USP45: variants seen among roughly 807,000 people sequenced by gnomAD.
USP45 encodes ubiquitin carboxyl-terminal hydrolase 45.
Under a neutral mutation model 95.8 loss-of-function variants are expected in USP45, and 89 were observed. The ratio of observed to expected loss-of-function variants is 0.93; its 90% CI spans 0.78 to 1.11. The LOEUF (loss-of-function observed/expected upper bound fraction) is 1.11, where lower values mean the gene tolerates loss of function less well. Ranked by LOEUF, USP45 falls within the 50% of genes least tolerant of loss-of-function variation. The probability of loss-of-function intolerance (pLI) is 0.00; values close to 1 mark genes in which losing one functional copy is unlikely to be tolerated. For synonymous variants in USP45, 281 were observed against 316.2 expected, an observed-to-expected ratio of 0.89 and a Z score of 1.18; for missense variants, 898 against 942.5, an observed-to-expected ratio of 0.95 and a Z score of 0.62.
At chr6:99,487,569 C>CA (rs1794212373) in intron 7 of USP45, among the ~76,000 whole-genome samples, 1 of 146,262 alleles carries the variant, frequency 6.8e-6, no homozygotes, top group South Asian at 2.1e-4. Context: ...GCGGGTGGAT[C>CA]ACGAGGTCAG....
At chr6:99,455,095 AAAAAAAACAAAAAAC>A (rs1340190957) in intron 13 of USP45, among the ~76,000 whole-genome samples, 1 of 150,764 alleles carries the variant, frequency 6.6e-6, no homozygotes, top group African/African-American at 2.4e-5. Flanking sequence ...ATCTCAAAAA[AAAAAAAACAAAAAAC>A]AAAAAAACAA....
chr6:99,503,698 GA>G, intron 5 of USP45, 66 bp downstream of exon 5: 2 of 1,067,236 alleles, frequency 1.9e-6, no homozygotes, highest in African/African-American at 3.2e-5. Context: ...TATTCTTTAT[GA>G]ATTTATGAAC....
In USP45 at chr6:99,472,219, TAA is replaced by T. The variant is rs1477863539; in HGVS notation, c.934-3603_934-3602del. 1.1e-4 allele frequency among the ~76,000 whole-genome samples: 4 copies of T among 36,680 alleles called. No individual in the cohort carries two copies. In the South Asian group the frequency reaches 5.7e-3, roughly 52 times the overall value. The allele number at this position is 36,680 out of a possible 152,430, so 24.1% of individuals were successfully genotyped here. Reference sequence around the variant, plus strand: ...TCACATGACTTTTAACTTCACTTACTAATTTTTTTTTTTTTTGAGAACGTGTC... The same window carrying T: ...TCACATGACTTTTAACTTCACTTACTTTTTTTTTTTTTTTGAGAACGTGTC... On this transcript the variant is annotated intron_variant, in intron 9 of 17. Transcript: ENST00000500704.
chr6:99,494,815 A>G (rs2128752023), intron 5 of USP45, among the ~76,000 whole-genome samples: 1 of 152,232 alleles, frequency 6.6e-6, no homozygotes, highest in South Asian at 2.1e-4. Context: ...AATCGTTTGA[A>G]CCCGGGAGGC....
At chr6:99,512,061 G>A (rs1800012569) in intron 1 of USP45, among the ~76,000 whole-genome samples, 1 of 151,678 alleles carries the variant, frequency 6.6e-6, no homozygotes, top group Admixed American at 6.6e-5. Context: ...AATTTCCTTA[G>A]TTGACCCTAA....
At chr6:99,509,310 T>C (rs1352938945) in intron 2 of USP45, among the ~76,000 whole-genome samples, 1 of 152,220 alleles carries the variant, frequency 6.6e-6, no homozygotes, top group Non-Finnish European at 1.5e-5. Context: ...CTGATGTTAA[T>C]GTTTTGCACT....
chr6:99,461,481 A>T (rs1786460336), intron 13 of USP45: 1 of 985,276 alleles, frequency 1.0e-6, no homozygotes, highest in Non-Finnish European at 1.2e-6. Flanking sequence ...CAGAAATTGC[A>T]CACACTAGTT....
chr6:99,471,247 T>C (rs1399018691), intron 9 of USP45, among the ~76,000 whole-genome samples: 3 of 152,226 alleles, frequency 2.0e-5, no homozygotes, highest in Admixed American at 6.5e-5. Flanking sequence ...CAATTCCTCA[T>C]TGTTAAGAGT....
chr6:99,498,996 A>C (rs1298151130), intron 5 of USP45, among the ~76,000 whole-genome samples: 5 of 152,288 alleles, frequency 3.3e-5, no homozygotes, highest in Non-Finnish European at 7.3e-5. Context: ...GGATGGTCTC[A>C]AACTCCTGGA....
intron 13 of USP45, among the ~76,000 whole-genome samples, chr6:99,454,802 G>C (rs1784644495): frequency 2.0e-5 from 3 of 152,246 alleles, no homozygotes; most frequent in Non-Finnish European, 4.4e-5. Context: ...AAACAGTATG[G>C]AGATGGCTGG....
In USP45 at chr6:99,454,837, T is replaced by C. The variant is rs1264220233; in HGVS notation, c.1309-8374A>G. On this transcript the variant is annotated intron_variant, in intron 13 of 17. Transcript: ENST00000500704. Reference sequence around the variant, plus strand: ...GGTGCAGTGGCTTATGCCTGTAAGCTCAGCACTTTGGGAGGCCAAGGCAGG... The same window carrying C: ...GGTGCAGTGGCTTATGCCTGTAAGCCCAGCACTTTGGGAGGCCAAGGCAGG... Among the ~76,000 whole-genome samples, 7 of 151,798 alleles carry C rather than the reference T, an allele frequency of 4.6e-5. No homozygotes were observed. In the South Asian group the frequency reaches 8.3e-4, roughly 18 times the overall value.
intron 15 of USP45, 98 bp from the exon 16 acceptor site, chr6:99,439,953 T>C (rs1265099813): frequency 6.0e-6 from 5 of 839,956 alleles, no homozygotes; most frequent in Non-Finnish European, 7.1e-6. Flanking sequence ...ACTTAGTTTT[T>C]TCATAGATAA....
intron 1 of USP45, among the ~76,000 whole-genome samples, chr6:99,513,838 A>C (rs1035829916): frequency 6.6e-6 from 1 of 152,214 alleles, no homozygotes; most frequent in African/African-American, 2.4e-5. Context: ...GGCAAAATTA[A>C]AAGTCCAATT....
intron 4 of USP45, among the ~76,000 whole-genome samples, chr6:99,505,841 C>T (rs1798404221): frequency 6.6e-6 from 1 of 152,150 alleles, no homozygotes; most frequent in South Asian, 2.1e-4. Context: ...ATTTCTAAGA[C>T]TGGGATCCTG....
rs1420969172 is a variant in USP45 at position 99,433,061 on chromosome 6, T to C, written c.*2655A>G. The C allele has an allele frequency of 2.0e-5, 3 of 152,196 alleles. No homozygotes were observed. Among genetic ancestry groups the C allele is most frequent in the African/African-American group, 7.2e-5 (3 of 41,430 alleles). 9.4% of individuals were successfully genotyped at this position (152,196 alleles called of 1,614,324 possible). On this transcript the variant is annotated 3_prime_UTR_variant, in exon 18 of 18. Coordinates refer to ENST00000500704, the MANE Select transcript of USP45 (RefSeq NM_001346022.3). The stretch of plus-strand genomic sequence containing the variant: ...CTGCAGGAATGCAGTGGTGTGATCA[T>C]GGTTCACTGCACCTTGACCTCCTGG...
chr6:99,437,188 GA>G (rs1455113436), intron 17 of USP45, 57 bp downstream of exon 17: 13 of 1,525,662 alleles, frequency 8.5e-6, no homozygotes, highest in Non-Finnish European at 1.1e-5. Flanking sequence ...AGCTCTCCCA[GA>G]AAAGGAAGCA....
chr6:99,514,873 T>C (rs895948953), intron 1 of USP45: 3 of 152,234 alleles, frequency 2.0e-5, no homozygotes, highest in Non-Finnish European at 2.9e-5. Context: ...TAAGTTGCTA[T>C]TATTTTCCGC....
At chr6:99,460,240 A>G (rs1786094562) in intron 13 of USP45, among the ~76,000 whole-genome samples, 1 of 152,202 alleles carries the variant, frequency 6.6e-6, no homozygotes, top group Admixed American at 6.5e-5. Flanking sequence ...CTATCAAATC[A>G]GTACTTGTAC....
intron 5 of USP45, among the ~76,000 whole-genome samples, chr6:99,494,531 A>G (rs1031097435): frequency 1.3e-5 from 2 of 152,156 alleles, no homozygotes; most frequent in Non-Finnish European, 2.9e-5. Flanking sequence ...AAAACTTAAG[A>G]TATTACCTCA....
Sources: gnomAD v4.1 joint callset for allele counts (sites outside exome capture counted in the v4.1 genomes callset) on GRCh38, gnomAD v4.1.1 for gene constraint, MANE v1.5 for transcripts, NCBI Gene and HGNC (gene_info 2026-07-23, HGNC 2026-07-21) for gene names.